Variants in NCAPD2 observed in about 807,000 individuals in gnomAD.
NCAPD2 encodes condensin complex subunit 1.
A neutral mutation model predicts 164.5 loss-of-function variants in NCAPD2; 100 were observed. The observed-to-expected ratio is 0.61, with a 90% CI of 0.52 to 0.72. The LOEUF is 0.72. NCAPD2 is among the 30% of genes least tolerant of loss of function. The pLI, the probability that NCAPD2 is intolerant of heterozygous loss-of-function variation, is 0.00. For missense variants in NCAPD2, 1,560 were observed against 1,749.2 expected, an observed-to-expected ratio of 0.89 and a Z score of 1.93; for synonymous variants, 585 against 642.6, an observed-to-expected ratio of 0.91 and a Z score of 1.36.
intron 2 of NCAPD2, among the ~76,000 whole-genome samples, chr12:6,500,552 C>T (rs1352550425): frequency 6.6e-6 from 1 of 152,138 alleles, no homozygotes; most frequent in Non-Finnish European, 1.5e-5. Context: ...AAATGTGGTC[C>T]TCAGATCAGC....
At chr12:6,518,504 G>GTTTTTTTTTTGTTTTGTTTT (rs1946226760) in intron 13 of NCAPD2, among the ~76,000 whole-genome samples, 1 of 44,782 alleles carries the variant, frequency 2.2e-5, no homozygotes, top group African/African-American at 1.0e-4. Flanking sequence ...CCGTCAACAA[G>GTTTTTTTTTTGTTTTGTTTT]TTTTTTTTTT....
Position 6,528,359 on chromosome 12 carries a change from TCCCAGGAGC to T in NCAPD2, c.3299+35_3299+43del, listed in dbSNP as rs1565547501. ...AGACCCCTCACAACGTGGTGGCAGTTCCCAGGAGCCCCGGAGTCTGTTGAGAGTCAGTGT... is the reference window on the plus strand; with the variant it reads ...AGACCCCTCACAACGTGGTGGCAGTTCCCGGAGTCTGTTGAGAGTCAGTGT... On this transcript the variant is annotated intron_variant, in intron 25 of 31. Transcript: ENST00000315579. This position sits in a 1 kb window ranked among gnomAD's most constrained non-coding sequence, Gnocchi z 5.1. 2 of 1,612,280 alleles carry T rather than the reference TCCCAGGAGC, an allele frequency of 1.2e-6. No individual in the cohort carries two copies. Among genetic ancestry groups the T allele is most frequent in the African/African-American group, 1.3e-5 (1 of 74,856 alleles).
chr12:6,499,207 C>A (rs559720749), intron 2 of NCAPD2, among the ~76,000 whole-genome samples: 1 of 151,938 alleles, frequency 6.6e-6, no homozygotes, highest in Non-Finnish European at 1.5e-5. Context: ...ATATTTCTTT[C>A]TTTCTTTCTT....
At chr12:6,527,356 C>T (rs1946326746) in intron 22 of NCAPD2, among the ~76,000 whole-genome samples, 3 of 152,238 alleles carry the variant, frequency 2.0e-5, no homozygotes, top group Admixed American at 2.0e-4. Flanking sequence ...ACCCGCCGGC[C>T]TTTTCCATCA....
At position 6,528,930 on chromosome 12, in the gene NCAPD2, C is replaced by T. The variant is rs756596847; in HGVS notation, c.3478-15C>T. On this transcript the variant is annotated splice_polypyrimidine_tract_variant and intron_variant, in intron 26 of 31. Transcript: ENST00000315579. The surrounding 1 kb of genome is among the most constrained non-coding windows in gnomAD (Gnocchi z 5.1). ...GTCACCTCATCTCCTTAACATGGCT[C>T]TCTCTGTCTTACAGGGCAACGCAAT... 40 of 1,613,752 alleles carry T rather than the reference C, an allele frequency of 2.5e-5. No individual in the cohort carries two copies. Among genetic ancestry groups the T allele is most frequent in the South Asian group, 5.5e-5 (5 of 91,076 alleles).
rs768655520 is a variant in NCAPD2 at position 6,516,915 on chromosome 12, C to T, written c.1075C>T (p.Arg359Ter). 18 of 1,613,874 alleles carry T rather than the reference C, an allele frequency of 1.1e-5. No homozygotes were observed. In the Admixed American group the frequency reaches 1.7e-4, roughly 15 times the overall value. The stretch of plus-strand genomic sequence containing the variant: ...TGGCGATCAACTGGAAGCAGCAGCC[C>T]GAGACACCAGAGACCAGTTCTTGGA... ...LSGDQLEAAA[R>*]DTRDQFLDTL... The change falls in exon 10 of 32, where the codon CGA becomes TGA. Residue 359 changes from arginine to a stop codon, truncating the protein, a stop_gained. Transcript: ENST00000315579. LOFTEE classifies it high-confidence loss of function.
intron 2 of NCAPD2, among the ~76,000 whole-genome samples, chr12:6,506,608 A>T (rs1946101967): frequency 6.6e-6 from 1 of 151,910 alleles, no homozygotes. Flanking sequence ...AAAAAAAGAC[A>T]TATATATTTT....
Position 6,514,375 on chromosome 12 carries a change from G to A in NCAPD2, c.698G>A (p.Arg233His), listed in dbSNP as rs754200286. The A allele has an allele frequency of 6.2e-6, 10 of 1,614,016 alleles. No homozygotes were observed. The highest frequency in any genetic ancestry group is 4.5e-5 in the East Asian group (2 of 44,888). ...CACCTGCTTGGTGTAGCCTTGACCC[G>A]TTATAACCATATGCTCAGTAAGTTA... Reference protein sequence around the residue: ...ITHLLGVALTRYNHMLSATVK... With the variant: ...ITHLLGVALTHYNHMLSATVK... Residue 233 changes from arginine to histidine, a missense_variant, in exon 7 of 32, where the codon CGT becomes CAT. Arg to His is a conservative substitution (Grantham distance 29). Transcript: ENST00000315579.
chr12:6,519,443 C>A (rs1448989831), intron 13 of NCAPD2, among the ~76,000 whole-genome samples: 2 of 152,126 alleles, frequency 1.3e-5, no homozygotes, highest in African/African-American at 4.8e-5. Context: ...CTCACTGTAG[C>A]CTCAACCCTG....
chr12:6,522,903 G>A lies in NCAPD2; in HGVS notation c.2030G>A (p.Arg677His), dbSNP rs148424921. ...CCCCAGGCCCTGTTTGGGGTGCGCC[G>A]TATGCTGCCTCTCATCTGGTCTAAG... is the stretch of plus-strand genomic sequence containing the variant. ...GVPQALFGVRRMLPLIWSKEP... is the reference protein window; with the variant it reads ...GVPQALFGVRHMLPLIWSKEP... The change falls in exon 16 of 32, where the codon CGT (arginine) becomes CAT (histidine). Residue 677 changes from arginine (R) to histidine (H), a missense_variant. Coordinates refer to ENST00000315579, the MANE Select transcript of NCAPD2 (RefSeq NM_014865.4). The A allele has an allele frequency of 1.4e-5, 23 of 1,614,176 alleles. No individual in the cohort carries two copies. Among genetic ancestry groups the A allele is most frequent in the Admixed American group, 6.7e-5 (4 of 60,026 alleles).
At position 6,517,672 on chromosome 12, in the gene NCAPD2, C is replaced by T. The variant is rs1309035025; in HGVS notation, c.1397C>T (p.Thr466Ile). The T allele has an allele frequency of 6.2e-7, 1 of 1,614,152 alleles. No individual in the cohort carries two copies. Among genetic ancestry groups the T allele is most frequent in the African/African-American group, 1.3e-5 (1 of 74,950 alleles). ...CAAGAGATGAGGGCCCAGAGGCGAA[C>T]TGCAGCAGCTTGTAAGTAGTTACTG... ...KLQEMRAQRR[T>I]AAASAVLDPE... Residue 466 changes from threonine (T) to isoleucine (I), a missense_variant, in exon 12 of 32, where the codon ACT becomes ATT. Coordinates refer to ENST00000315579, the MANE Select transcript of NCAPD2 (RefSeq NM_014865.4).
intron 13 of NCAPD2, among the ~76,000 whole-genome samples, chr12:6,518,667 C>T (rs190825085): frequency 7.0e-4 from 106 of 150,762 alleles, no homozygotes; most frequent in African/African-American, 2.2e-3. Context: ...ACCACAGGCG[C>T]GCACCACCAC....
chr12:6,504,230 T>TATAG (rs1565539659), intron 2 of NCAPD2, among the ~76,000 whole-genome samples: 8 of 78,872 alleles, frequency 1.0e-4, no homozygotes, highest in Non-Finnish European at 1.6e-4. Flanking sequence ...TATAGATATA[T>TATAG]ATATATATAT....
chr12:6,504,806 A>G (rs1036158820), intron 2 of NCAPD2, among the ~76,000 whole-genome samples: 2 of 152,204 alleles, frequency 1.3e-5, no homozygotes, highest in African/African-American at 4.8e-5. Context: ...ATTGTGCTGT[A>G]TTTATCGACA....
At chr12:6,519,487 G>C (rs1318868524) in intron 13 of NCAPD2, among the ~76,000 whole-genome samples, 1 of 152,170 alleles carries the variant, frequency 6.6e-6, no homozygotes, top group Non-Finnish European at 1.5e-5. Context: ...TTAGCCTCCT[G>C]AGTAGCCTGG....
chr12:6,530,891 T>C, intron 30 of NCAPD2, 30 bp from the exon 31 acceptor site: 1 of 1,613,108 alleles, frequency 6.2e-7, no homozygotes, highest in Non-Finnish European at 8.5e-7. Flanking sequence ...TCTTCTTCTT[T>C]TTTAAATCAC....
Position 6,500,596 on chromosome 12 carries a change from T to C in NCAPD2, c.127+5371T>C, listed in dbSNP as rs114452188. Among the ~76,000 whole-genome samples, 754 of 152,294 alleles carry C rather than the reference T, an allele frequency of 5.0e-3. 5 individuals are homozygous for C. The highest frequency in any genetic ancestry group is 0.018 in the African/African-American group (731 of 41,550). ...TATCAGGATCTCATGATCTGGGAGC[T>C]TATTAGAAATGCAGGATGTCAAGGC... On this transcript the variant is annotated intron_variant, in intron 2 of 31. Transcript: ENST00000315579.
chr12:6,512,661 G>A (rs1400330472), intron 6 of NCAPD2, among the ~76,000 whole-genome samples: 2 of 152,206 alleles, frequency 1.3e-5, no homozygotes, highest in Non-Finnish European at 2.9e-5. Flanking sequence ...AAGCAGGGAG[G>A]TGAGGTGACC....
chr12:6,530,968 G>A lies in NCAPD2; in HGVS notation c.4012G>A (p.Val1338Ile). The A allele has an allele frequency of 6.2e-7, 1 of 1,614,154 alleles. No homozygotes were observed. The highest frequency in any genetic ancestry group is 8.5e-7 in the Non-Finnish European group (1 of 1,180,024). Residue 1338 changes from valine (V) to isoleucine (I), a missense_variant, in exon 31 of 32, where the codon GTC becomes ATC. Coordinates refer to ENST00000315579, the MANE Select transcript of NCAPD2 (RefSeq NM_014865.4). Reference protein sequence around the residue: ...LASTASDNDFVTPEPRRTTRR... With the variant: ...LASTASDNDFITPEPRRTTRR... ...TTCTACAGCCTCAGACAATGACTTT[G>A]TCACACCAGAGCCCCGCCGTACTAC...
Sources: allele counts gnomAD v4.1 joint callset (sites outside exome capture counted in the v4.1 genomes callset), GRCh38; gene constraint gnomAD v4.1.1; non-coding constraint Gnocchi (gnomAD v3.1); transcripts MANE v1.5; gene names NCBI Gene and HGNC (gene_info 2026-07-23, HGNC 2026-07-21).